Variants in PRUNE2 observed in about 807,000 individuals in gnomAD.
The protein encoded by PRUNE2 is prune homolog 2 with BCH domain.
A neutral mutation model predicts 252.0 loss-of-function variants in PRUNE2; 164 were observed. The ratio of observed to expected loss-of-function variants is 0.65; its 90% CI spans 0.57 to 0.74. The LOEUF (loss-of-function observed/expected upper bound fraction) is 0.74, where lower values mean the gene tolerates loss of function less well. Among genes scored for constraint, PRUNE2 ranks in the 30% least tolerant of loss-of-function variants. The pLI, the probability that PRUNE2 is intolerant of heterozygous loss-of-function variation, is 0.00. For synonymous variants in PRUNE2, 1,292 were observed against 1,350.2 expected (o/e 0.96, Z 0.94); for missense variants, 3,495 against 3,711.0 (o/e 0.94, Z 1.51).
intron 6 of PRUNE2, among the ~76,000 whole-genome samples, chr9:76,774,477 T>TGA (rs1329550423): frequency 4.1e-5 from 6 of 147,734 alleles, no homozygotes; most frequent in Non-Finnish European, 9.0e-5. Flanking sequence ...TTTTTTTTTT[T>TGA]GAGATGGAGT....
At chr9:76,690,381 GA>G (rs1231071528) in intron 9 of PRUNE2, among the ~76,000 whole-genome samples, 2 of 152,006 alleles carry the variant, frequency 1.3e-5, no homozygotes, top group Non-Finnish European at 2.9e-5. Context: ...AGTTAAGTAG[GA>G]AAAAAACCCA....
intron 6 of PRUNE2, among the ~76,000 whole-genome samples, chr9:76,790,003 C>A (rs1415754100): frequency 6.6e-6 from 1 of 152,220 alleles, no homozygotes; most frequent in East Asian, 1.9e-4. Flanking sequence ...AGGGGTGGGG[C>A]CACTTCTAAG....
chr9:76,691,680 G>C (rs2044744270), intron 9 of PRUNE2, among the ~76,000 whole-genome samples: 1 of 152,112 alleles, frequency 6.6e-6, no homozygotes, highest in African/African-American at 2.4e-5. Context: ...ATAATCCAAA[G>C]AGACATTATA....
Position 76,629,219 on chromosome 9 carries a change from C to A in PRUNE2, c.9122G>T (p.Cys3041Phe), listed in dbSNP as rs767140875. 2 of 1,603,976 alleles carry A rather than the reference C, an allele frequency of 1.2e-6. No homozygotes were observed. The highest frequency in any genetic ancestry group is 1.7e-6 in the Non-Finnish European group (2 of 1,174,174). The change falls in exon 16 of 19, where the codon TGC (cysteine) becomes TTC (phenylalanine). Residue 3041 changes from cysteine (C) to phenylalanine (F), a missense_variant. Transcript: ENST00000376718. ...SELSGLIPMD[C>F]IHIPESIIKL... ...GATGATGCTCTCTGGAATGTGGATG[C>A]AATCCATTGGGATCAGCCCACTGAG...
intron 6 of PRUNE2, among the ~76,000 whole-genome samples, chr9:76,807,070 GTCTC>G (rs545306350): frequency 0.01 from 1,528 of 150,962 alleles, 14 homozygotes; most frequent in Non-Finnish European, 0.014. Context: ...GCGTGTGTCT[GTCTC>G]TCTCTCTTAG....
intron 6 of PRUNE2, among the ~76,000 whole-genome samples, chr9:76,725,846 C>T (rs1209795998): frequency 6.6e-6 from 1 of 152,108 alleles, no homozygotes; most frequent in African/African-American, 2.4e-5. Context: ...TGGAGGAATC[C>T]CTCTTCAGGT....
intron 11 of PRUNE2, among the ~76,000 whole-genome samples, chr9:76,649,386 A>T (rs142149861): frequency 4.7e-4 from 71 of 152,276 alleles, no homozygotes; most frequent in African/African-American, 1.6e-3. Flanking sequence ...CAGGTTTGAG[A>T]CCAGCCTGGG....
intron 6 of PRUNE2, chr9:76,779,689 T>C (rs771699434): frequency 1.3e-5 from 2 of 152,230 alleles, no homozygotes; most frequent in Non-Finnish European, 2.9e-5. Flanking sequence ...CTGAAATGAC[T>C]TATCTCAGTC....
rs1439928670 is a variant in PRUNE2, at chr9:76,870,801, A to AGGGAGGACC, written c.37-16594_37-16593insGGTCCTCCC. On this transcript the variant is annotated intron_variant, in intron 1 of 18. Transcript: ENST00000376718. Reference sequence around the variant, plus strand: ...AGACAGGCAGGTTTGACATCATCATATCCCCATAACTGAAGCAAATCCCCA... The same window carrying AGGGAGGACC: ...AGACAGGCAGGTTTGACATCATCATAGGGAGGACCTCCCCATAACTGAAGCAAATCCCCA... Among the ~76,000 whole-genome samples, 980 of 152,228 alleles carry AGGGAGGACC rather than the reference A, an allele frequency of 6.4e-3. 9 individuals carry two copies. The highest frequency in any genetic ancestry group is 0.022 in the African/African-American group (928 of 41,530).
intron 1 of PRUNE2, among the ~76,000 whole-genome samples, chr9:76,901,525 C>T (rs753490685): frequency 5.9e-5 from 9 of 152,136 alleles, no homozygotes; most frequent in Non-Finnish European, 8.8e-5. Context: ...TATTGATACG[C>T]GGAACTTTCT....
chr9:76,678,611 C>T (rs1043660948), intron 9 of PRUNE2, among the ~76,000 whole-genome samples: 2 of 152,000 alleles, frequency 1.3e-5, no homozygotes, highest in Admixed American at 6.6e-5. Context: ...GGGCGGATGA[C>T]GAGGTCAGGA....
Position 76,680,804 on chromosome 9 carries a change from G to C in PRUNE2, c.8276+22533C>G, listed in dbSNP as rs183704378. 2.6e-5 allele frequency among the ~76,000 whole-genome samples: 4 copies of C among 152,272 alleles called. 1 individual carries two copies. The highest frequency in any genetic ancestry group is 2.6e-4 in the Admixed American group (4 of 15,282). On this transcript the variant is annotated intron_variant, in intron 9 of 18. Coordinates refer to ENST00000376718, the MANE Select transcript of PRUNE2 (RefSeq NM_015225.3). ...ACTTACAATCACGACTGAAAGCAAA[G>C]GGAAAGCAAGGCACATCTTACATGG...
At chr9:76,841,638 T>C (rs576173581) in intron 4 of PRUNE2, among the ~76,000 whole-genome samples, 1 of 152,306 alleles carries the variant, frequency 6.6e-6, no homozygotes, top group South Asian at 2.1e-4. Context: ...TTACTGAGGC[T>C]TGAGTAGGTG....
intron 2 of PRUNE2, among the ~76,000 whole-genome samples, chr9:76,851,551 A>AT (rs1162867017): frequency 8.2e-6 from 1 of 121,578 alleles, no homozygotes; most frequent in East Asian, 2.1e-4. Context: ...CTGTCTCGGA[A>AT]AAAAAAAAAA....
chr9:76,655,296 C>CT, intron 10 of PRUNE2, 127 bp downstream of exon 10: 2 of 765,480 alleles, frequency 2.6e-6, no homozygotes, highest in Admixed American at 2.3e-5. Context: ...TCACACATTT[C>CT]TTTTTTCCTC....
chr9:76,754,790 C>A (rs1209150010), intron 6 of PRUNE2, among the ~76,000 whole-genome samples: 1 of 151,788 alleles, frequency 6.6e-6, no homozygotes, highest in Non-Finnish European at 1.5e-5. Flanking sequence ...TATGGTGAAA[C>A]CCTGTCTCTA....
At chr9:76,756,153 C>T (rs1334208412) in intron 6 of PRUNE2, among the ~76,000 whole-genome samples, 4 of 152,192 alleles carry the variant, frequency 2.6e-5, no homozygotes, top group Non-Finnish European at 4.4e-5. Flanking sequence ...TTCACAGAGC[C>T]ATTTTGATGA....
chr9:76,854,337 A>C (rs2060126095), intron 1 of PRUNE2, 129 bp from the exon 2 acceptor site: 1 of 478,494 alleles, frequency 2.1e-6, no homozygotes, highest in African/African-American at 2.0e-5. Context: ...TAAATTTATC[A>C]TGAAGTTTTA....
chr9:76,823,377 GTGTT>G, intron 6 of PRUNE2: 1 of 434,212 alleles, frequency 2.3e-6, no homozygotes. Flanking sequence ...CCACATCTGA[GTGTT>G]TGTTTTAGGC....
Sources: allele counts gnomAD v4.1 joint callset (sites outside exome capture counted in the v4.1 genomes callset), GRCh38; gene constraint gnomAD v4.1.1; transcripts MANE v1.5; gene names NCBI Gene and HGNC (gene_info 2026-07-23, HGNC 2026-07-21).